KIRREL3: variants seen among roughly 807,000 people sequenced by gnomAD.
The protein encoded by KIRREL3 is kirre like nephrin family adhesion molecule 3, also known as kin of IRRE-like protein 3.
A neutral mutation model predicts 89.7 loss-of-function variants in KIRREL3; 36 were observed. The ratio of observed to expected loss-of-function variants is 0.40; its 90% CI spans 0.31 to 0.53. The LOEUF (loss-of-function observed/expected upper bound fraction) is 0.53, where lower values mean the gene tolerates loss of function less well. Among genes scored for constraint, KIRREL3 ranks in the 20% least tolerant of loss-of-function variants. KIRREL3 has a pLI of 0.49. For missense variants in KIRREL3, 864 were observed against 1,056.6 expected (o/e 0.82, Z 2.53); for synonymous variants, 445 against 441.4 (o/e 1.01, Z -0.10).
chr11:126,460,212 A>G lies in KIRREL3; in HGVS notation c.742+2945T>C, dbSNP rs182477645. On this transcript the variant is annotated intron_variant, in intron 6 of 16. Transcript: ENST00000525144. Reference sequence around the variant, plus strand: ...CTAGGGGCGGTGAGCGCGGGGACAAATGGATGAAGATCCCTTGCCTGTTAG... The same window carrying G: ...CTAGGGGCGGTGAGCGCGGGGACAAGTGGATGAAGATCCCTTGCCTGTTAG... Among the ~76,000 whole-genome samples the G allele has an allele frequency of 2.8e-3, 427 of 152,226 alleles. 10 individuals are homozygous for G. Among genetic ancestry groups the G allele is most frequent in the Non-Finnish European group, 7.8e-4 (53 of 68,010 alleles).
At chr11:126,961,655 T>G (rs1275274528) in intron 1 of KIRREL3, among the ~76,000 whole-genome samples, 1 of 152,232 alleles carries the variant, frequency 6.6e-6, no homozygotes, top group East Asian at 1.9e-4. Context: ...TAGCAAGATA[T>G]GCAGAAGATC....
intron 4 of KIRREL3, among the ~76,000 whole-genome samples, chr11:126,504,846 T>C (rs2134378537): frequency 6.6e-6 from 1 of 152,344 alleles, no homozygotes. Flanking sequence ...CAAGGTTGGC[T>C]TAACATCTGA....
intron 1 of KIRREL3, among the ~76,000 whole-genome samples, chr11:126,662,906 CTTTTTTTT>C (rs756193928): frequency 1.1e-5 from 1 of 91,878 alleles, no homozygotes; most frequent in Non-Finnish European, 2.1e-5. Flanking sequence ...AAAGTCCTTT[CTTTTTTTT>C]TTTTTTTTTT....
intron 1 of KIRREL3, among the ~76,000 whole-genome samples, chr11:126,757,030 A>T (rs1218122616): frequency 6.6e-6 from 1 of 152,136 alleles, no homozygotes; most frequent in African/African-American, 2.4e-5. Context: ...GCCATGTTAC[A>T]CACATCATTT....
rs887839106 is a variant in KIRREL3 at position 126,763,658 on chromosome 11, T to A, written c.56-200746A>T. ...GCCAGCGCGGGTTTGAAATCTATCT[T>A]CCCCATACTTGCTGCATGACCTTCA... On this transcript the variant is annotated intron_variant, in intron 1 of 16. Transcript: ENST00000525144. The surrounding 1 kb of genome is among the most constrained non-coding windows in gnomAD (Gnocchi z 4.7). Among the ~76,000 whole-genome samples the A allele has an allele frequency of 7.9e-5, 12 of 152,268 alleles. No individual in the cohort carries two copies. Among genetic ancestry groups the A allele is most frequent in the Non-Finnish European group, 1.6e-4 (11 of 68,014 alleles).
chr11:126,730,469 G>A (rs78287239), intron 1 of KIRREL3, among the ~76,000 whole-genome samples: 2,559 of 152,318 alleles, frequency 0.017, 72 homozygotes, highest in African/African-American at 0.058. Flanking sequence ...GCAGCTCTGA[G>A]CTTATTCCAT....
intron 1 of KIRREL3, among the ~76,000 whole-genome samples, chr11:126,810,689 A>C (rs1951355030): frequency 6.6e-6 from 1 of 152,126 alleles, no homozygotes; most frequent in Admixed American, 6.5e-5. Flanking sequence ...TTGAAGAGGG[A>C]AATTGCTTCC....
intron 2 of KIRREL3, among the ~76,000 whole-genome samples, chr11:126,545,549 T>C (rs1298841298): frequency 6.6e-6 from 1 of 151,844 alleles, no homozygotes; most frequent in Non-Finnish European, 1.5e-5. Context: ...TGAGGGAGGA[T>C]TGCTTGAGCC....
chr11:126,820,130 C>A (rs1299178446), intron 1 of KIRREL3, among the ~76,000 whole-genome samples: 1 of 152,060 alleles, frequency 6.6e-6, no homozygotes, highest in Non-Finnish European at 1.5e-5. Context: ...CAGAAAAATC[C>A]CCCTGCCCCA....
intron 4 of KIRREL3, 34 bp from the exon 5 acceptor site, chr11:126,473,500 G>C: frequency 3.3e-6 from 5 of 1,506,870 alleles, no homozygotes; most frequent in Non-Finnish European, 4.5e-6. Context: ...TCAGGCCGAG[G>C]CTCCCACCTC....
chr11:126,776,614 G>A lies in KIRREL3; in HGVS notation c.56-213702C>T, dbSNP rs1422446159. ...AAGACCTAGCATGACTCAAAAGCTT[G>A]CAGAAACACTTTAGTTGAACAAGTC... is the stretch of plus-strand genomic sequence containing the variant. On this transcript the variant is annotated intron_variant, in intron 1 of 16. Transcript: ENST00000525144. The surrounding 1 kb of genome is among the most constrained non-coding windows in gnomAD (Gnocchi z 4.7). 6.6e-6 allele frequency among the ~76,000 whole-genome samples: 1 copy of A among 152,198 alleles called. No individual in the cohort carries two copies. Among genetic ancestry groups the A allele is most frequent in the Non-Finnish European group, 1.5e-5 (1 of 68,042 alleles).
intron 1 of KIRREL3, among the ~76,000 whole-genome samples, chr11:126,895,628 A>T (rs575689307): frequency 6.6e-6 from 1 of 152,158 alleles, no homozygotes; most frequent in Admixed American, 6.5e-5. Context: ...TGAGAGGGAG[A>T]CATTAGTTCT....
At position 126,664,067 on chromosome 11, in the gene KIRREL3, G is replaced by A. The variant is rs2040373650; in HGVS notation, c.56-101155C>T. ...AATTAACCAGACTCTGCATGTTGTG[G>A]GAATTCTGCATGGCAACCTAATAGA... On this transcript the variant is annotated intron_variant, in intron 1 of 16. Coordinates refer to ENST00000525144, the MANE Select transcript of KIRREL3 (RefSeq NM_032531.4). The surrounding 1 kb of genome is among the most constrained non-coding windows in gnomAD (Gnocchi z 5.4). Among the ~76,000 whole-genome samples, 1 of 152,168 alleles carries A rather than the reference G, an allele frequency of 6.6e-6. No individual in the cohort carries two copies. The highest frequency in any genetic ancestry group is 1.5e-5 in the Non-Finnish European group (1 of 68,034).
rs1950813687 is a variant in KIRREL3 at position 126,796,422 on chromosome 11, G to C, written c.55+204033C>G. 6.6e-6 allele frequency among the ~76,000 whole-genome samples: 1 copy of C among 152,152 alleles called. No homozygotes were observed. Among genetic ancestry groups the C allele is most frequent in the African/African-American group, 2.4e-5 (1 of 41,430 alleles). On this transcript the variant is annotated intron_variant, in intron 1 of 16. Coordinates refer to ENST00000525144, the MANE Select transcript of KIRREL3 (RefSeq NM_032531.4). This position sits in a 1 kb window ranked among gnomAD's most constrained non-coding sequence, Gnocchi z 5.1. ...CCCGCAGCATTGGGTGTGGAGGAAGGCTGAAGGAGGGGACGCGCAGTTGTG... is the reference window on the plus strand; with the variant it reads ...CCCGCAGCATTGGGTGTGGAGGAAGCCTGAAGGAGGGGACGCGCAGTTGTG...
intron 1 of KIRREL3, among the ~76,000 whole-genome samples, chr11:126,863,346 G>A (rs934350761): frequency 2.3e-5 from 3 of 129,234 alleles, no homozygotes; most frequent in Non-Finnish European, 5.3e-5. Context: ...GGTGGGCATG[G>A]GTGCATGTGA....
In KIRREL3 at chr11:126,900,488, C is replaced by T. The variant is rs1166440959; in HGVS notation, c.55+99967G>A. Among the ~76,000 whole-genome samples the T allele has an allele frequency of 6.6e-6, 1 of 151,530 alleles. No individual in the cohort carries two copies. Among genetic ancestry groups the T allele is most frequent in the Non-Finnish European group, 1.5e-5 (1 of 67,990 alleles). ...CCCTTTCCTTCTGCAAAGAGTTAAA[C>T]AAAAAAGTAATTAAACAATAATTTC... On this transcript the variant is annotated intron_variant, in intron 1 of 16. Transcript: ENST00000525144. This position sits in a 1 kb window ranked among gnomAD's most constrained non-coding sequence, Gnocchi z 4.4.
rs1013363395 is a variant in KIRREL3 at position 126,782,309 on chromosome 11, G to A, written c.55+218146C>T. On this transcript the variant is annotated intron_variant, in intron 1 of 16. Coordinates refer to ENST00000525144, the MANE Select transcript of KIRREL3 (RefSeq NM_032531.4). The surrounding 1 kb of genome is among the most constrained non-coding windows in gnomAD (Gnocchi z 4.1). ...AAGGAATAATGCTTTGTTGTGCTAA[G>A]CTGAGATTTTTTGATGTTTATTTGT... Among the ~76,000 whole-genome samples, 3 of 152,220 alleles carry A rather than the reference G, an allele frequency of 2.0e-5. No individual in the cohort carries two copies. The highest frequency in any genetic ancestry group is 4.4e-5 in the Non-Finnish European group (3 of 68,040).
chr11:126,810,351 G>A (rs1951339481), intron 1 of KIRREL3, among the ~76,000 whole-genome samples: 1 of 152,180 alleles, frequency 6.6e-6, no homozygotes, highest in Admixed American at 6.5e-5. Flanking sequence ...AAAACTTACA[G>A]CAGCTTCACA....
rs1943067585 is a variant in KIRREL3 at position 126,610,181 on chromosome 11, C to G, written c.56-47269G>C. On this transcript the variant is annotated intron_variant, in intron 1 of 16. Transcript: ENST00000525144. This position sits in a 1 kb window ranked among gnomAD's most constrained non-coding sequence, Gnocchi z 4.6. ...TCTCGGCTCACTGCAACCTTCGCCT[C>G]CCAGGTTCAAGCGATTCTCCTGCCT... Among the ~76,000 whole-genome samples the G allele has an allele frequency of 1.3e-5, 2 of 152,126 alleles. No individual in the cohort carries two copies. Among genetic ancestry groups the G allele is most frequent in the Admixed American group, 1.3e-4 (2 of 15,268 alleles).
Sources: allele counts gnomAD v4.1 joint callset (sites outside exome capture counted in the v4.1 genomes callset), GRCh38; gene constraint gnomAD v4.1.1; non-coding constraint Gnocchi (gnomAD v3.1); transcripts MANE v1.5; gene names NCBI Gene and HGNC (gene_info 2026-07-23, HGNC 2026-07-21).